The following RALGPS1 variants were observed in gnomAD, a reference collection of about 807,000 sequenced individuals.
RALGPS1 encodes the protein Ral GEF with PH domain and SH3 binding motif 1.
Under a neutral mutation model 78.8 loss-of-function variants are expected in RALGPS1, and 19 were observed. The ratio of observed to expected loss-of-function variants is 0.24; its 90% CI spans 0.17 to 0.35. RALGPS1 has a LOEUF of 0.35. Among genes scored for constraint, RALGPS1 ranks in the 10% least tolerant of loss-of-function variants. RALGPS1 has a pLI of 1.00. For missense variants in RALGPS1, 454 were observed against 688.3 expected (o/e 0.66, Z 3.81); for synonymous variants, 228 against 256.3 (o/e 0.89, Z 1.06).
chr9:126,936,631 TTAA>T (rs1464950601), intron 1 of RALGPS1, among the ~76,000 whole-genome samples: 1 of 152,118 alleles, frequency 6.6e-6, no homozygotes, highest in Non-Finnish European at 1.5e-5. Context: ...CTCCAGACTA[TTAA>T]AGGGAGAGGG....
chr9:126,916,607 C>A (rs917801424), intron 1 of RALGPS1, among the ~76,000 whole-genome samples: 1 of 152,110 alleles, frequency 6.6e-6, no homozygotes, highest in Admixed American at 6.5e-5. Flanking sequence ...ATGGTGAAAC[C>A]CCCTCTCTAC....
rs569754472 is a variant in RALGPS1 at position 127,154,490 on chromosome 9, AGAGGGCCCAAG to A, written c.611-11576_611-11566del. On this transcript the variant is annotated intron_variant, in intron 8 of 18. Transcript: ENST00000259351. Reference sequence around the variant, plus strand: ...CACAATCAGATGCCTTCTTCCTTCCAGAGGGCCCAAGGAACCTCTCAGTATTTCATTTCAGC... The same window carrying A: ...CACAATCAGATGCCTTCTTCCTTCCAGAACCTCTCAGTATTTCATTTCAGC... Among the ~76,000 whole-genome samples, 9 of 152,392 alleles carry A rather than the reference AGAGGGCCCAAG, an allele frequency of 5.9e-5. No individual in the cohort carries two copies. In the East Asian group the frequency reaches 1.7e-3, roughly 29 times the overall value.
In RALGPS1 at chr9:127,191,896, A is replaced by G. The variant is rs150407499; in HGVS notation, c.911-3195A>G. 9.7e-3 allele frequency among the ~76,000 whole-genome samples: 1,476 copies of G among 151,884 alleles called. 35 individuals are homozygous for G. The highest frequency in any genetic ancestry group is 0.033 in the African/African-American group (1,377 of 41,432). Reference sequence around the variant, plus strand: ...GTATTTTTAGTAGAGACGGGGTTTCACCGTGTCAGCCAGGATGGTCTTGAT... The same window carrying G: ...GTATTTTTAGTAGAGACGGGGTTTCGCCGTGTCAGCCAGGATGGTCTTGAT... On this transcript the variant is annotated intron_variant, in intron 11 of 18. Coordinates refer to ENST00000259351, the MANE Select transcript of RALGPS1 (RefSeq NM_014636.3).
intron 1 of RALGPS1, among the ~76,000 whole-genome samples, chr9:126,945,844 ATC>A (rs2037210782): frequency 1.3e-5 from 2 of 152,222 alleles, no homozygotes; most frequent in African/African-American, 4.8e-5. Flanking sequence ...TGGGGCAGAC[ATC>A]GTCTTCTCTT....
chr9:127,051,153 G>A (rs2048278655), intron 6 of RALGPS1, among the ~76,000 whole-genome samples: 1 of 152,174 alleles, frequency 6.6e-6, no homozygotes, highest in South Asian at 2.1e-4. Context: ...TACTTCCTAT[G>A]CATTCTCCTG....
intron 7 of RALGPS1, among the ~76,000 whole-genome samples, chr9:127,061,698 A>G (rs1037450404): frequency 6.6e-6 from 1 of 152,062 alleles, no homozygotes; most frequent in Non-Finnish European, 1.5e-5. Context: ...TTTCAGGACT[A>G]CCTCTTCCTG....
chr9:127,063,921 C>A (rs2049442378), intron 7 of RALGPS1, among the ~76,000 whole-genome samples: 2 of 152,040 alleles, frequency 1.3e-5, no homozygotes, highest in African/African-American at 2.4e-5. Flanking sequence ...TCTCATTATT[C>A]TTTTATGCAG....
chr9:127,015,633 A>T (rs1384450088), intron 4 of RALGPS1, among the ~76,000 whole-genome samples: 1 of 152,048 alleles, frequency 6.6e-6, no homozygotes, highest in Non-Finnish European at 1.5e-5. Context: ...CGTCCCCAAG[A>T]TGGTCCTGGG....
intron 4 of RALGPS1, among the ~76,000 whole-genome samples, chr9:127,033,746 A>G (rs1246973775): frequency 1.3e-5 from 2 of 152,230 alleles, no homozygotes; most frequent in African/African-American, 4.8e-5. Flanking sequence ...TATTGTGTCC[A>G]GCTTTTATCC....
chr9:127,075,385 C>T (rs988193359), intron 8 of RALGPS1, among the ~76,000 whole-genome samples: 4 of 152,152 alleles, frequency 2.6e-5, no homozygotes, highest in South Asian at 2.1e-4. Flanking sequence ...CATGGGGTGC[C>T]GTAGTTTGCT....
chr9:127,109,849 C>T (rs940020621), intron 8 of RALGPS1, among the ~76,000 whole-genome samples: 4 of 152,150 alleles, frequency 2.6e-5, no homozygotes, highest in African/African-American at 9.7e-5. Flanking sequence ...GTCAGGAATG[C>T]TTCCCTGAGA....
At chr9:126,947,369 A>G (rs2131619876) in intron 1 of RALGPS1, among the ~76,000 whole-genome samples, 1 of 151,934 alleles carries the variant, frequency 6.6e-6, no homozygotes, top group Non-Finnish European at 1.5e-5. Context: ...AAAATCTGAG[A>G]CTCTTTGAGT....
At chr9:126,990,531 C>G (rs1020464893) in intron 4 of RALGPS1, among the ~76,000 whole-genome samples, 1 of 152,198 alleles carries the variant, frequency 6.6e-6, no homozygotes, top group African/African-American at 2.4e-5. Context: ...CTCCAGTTCA[C>G]CACTTTGTGT....
At chr9:126,952,647 G>A (rs2037933421) in intron 1 of RALGPS1, among the ~76,000 whole-genome samples, 2 of 128,930 alleles carry the variant, frequency 1.6e-5, no homozygotes, top group Admixed American at 7.8e-5. Flanking sequence ...GAGAGAGAGA[G>A]AGAGAGAGAG....
intron 1 of RALGPS1, among the ~76,000 whole-genome samples, chr9:126,927,400 G>T (rs538942506): frequency 6.6e-6 from 1 of 152,224 alleles, no homozygotes; most frequent in Admixed American, 6.5e-5. Flanking sequence ...TGTGGAAACC[G>T]GTGGTGGGGG....
intron 8 of RALGPS1, among the ~76,000 whole-genome samples, chr9:127,111,333 A>T (rs992542736): frequency 6.6e-6 from 1 of 152,222 alleles, no homozygotes; most frequent in African/African-American, 2.4e-5. Context: ...TCACCATAAG[A>T]TACACGCTGT....
rs2052467549 is a variant in RALGPS1, at chr9:127,091,508, A to G, written c.610+22152A>G. 6.6e-6 allele frequency among the ~76,000 whole-genome samples: 1 copy of G among 152,106 alleles called. No individual in the cohort carries two copies. Among genetic ancestry groups the G allele is most frequent in the Admixed American group, 6.5e-5 (1 of 15,282 alleles). On this transcript the variant is annotated intron_variant, in intron 8 of 18. Transcript: ENST00000259351. This position sits in a 1 kb window ranked among gnomAD's most constrained non-coding sequence, Gnocchi z 4.3. ...AGCTTTGTGAAGGGGACCTGTGGGCAGGAGAAGGGACCCTCAGGGGGTGGT... is the reference window on the plus strand; with the variant it reads ...AGCTTTGTGAAGGGGACCTGTGGGCGGGAGAAGGGACCCTCAGGGGGTGGT...
intron 11 of RALGPS1, among the ~76,000 whole-genome samples, chr9:127,186,736 C>T (rs1339823670): frequency 3.3e-5 from 5 of 152,232 alleles, no homozygotes; most frequent in South Asian, 2.1e-4. Context: ...AGCTTTGAAA[C>T]GGTGCCCAGG....
chr9:126,961,789 C>G (rs1464737323), intron 1 of RALGPS1, among the ~76,000 whole-genome samples: 1 of 152,180 alleles, frequency 6.6e-6, no homozygotes, highest in Non-Finnish European at 1.5e-5. Context: ...GAGCAAGACC[C>G]TGTCTCAAAA....
Sources: allele counts gnomAD v4.1 joint callset (sites outside exome capture counted in the v4.1 genomes callset), GRCh38; gene constraint gnomAD v4.1.1; non-coding constraint Gnocchi (gnomAD v3.1); transcripts MANE v1.5; gene names NCBI Gene and HGNC (gene_info 2026-07-23, HGNC 2026-07-21).